The following CAB39 variants were observed in gnomAD, a reference collection of about 807,000 sequenced individuals.
The protein encoded by CAB39 is calcium binding protein 39, also known as calcium-binding protein 39.
Under a neutral mutation model 40.0 loss-of-function variants are expected in CAB39, and 8 were observed. The observed-to-expected ratio is 0.20, with a 90% CI of 0.12 to 0.36. CAB39 has a LOEUF of 0.36. CAB39 is among the 10% of genes least tolerant of loss of function. The pLI, the probability that CAB39 is intolerant of heterozygous loss-of-function variation, is 1.00. For missense variants in CAB39, 270 were observed against 401.1 expected (o/e 0.67, Z 2.79); for synonymous variants, 156 against 141.6 (o/e 1.10, Z -0.72).
chr2:230,815,175 A>G (rs537636844), intron 7 of CAB39, among the ~76,000 whole-genome samples: 1 of 152,380 alleles, frequency 6.6e-6, no homozygotes, highest in African/African-American at 2.4e-5. Context: ...TCAGAACAGC[A>G]TATGCCTTTT....
chr2:230,724,265 T>A (rs938306143), intron 1 of CAB39, among the ~76,000 whole-genome samples: 7 of 149,740 alleles, frequency 4.7e-5, no homozygotes, highest in Admixed American at 1.3e-4. Flanking sequence ...AAAAAGAAGA[T>A]AGCATAAAGG....
chr2:230,767,876 A>G (rs1435038532), intron 2 of CAB39, among the ~76,000 whole-genome samples: 2 of 152,020 alleles, frequency 1.3e-5, no homozygotes, highest in Non-Finnish European at 2.9e-5. Context: ...CTAGTGCTCT[A>G]TTTGGCTTAC....
chr2:230,716,857 G>A lies in CAB39; in HGVS notation c.-44+3627G>A, dbSNP rs185714936. On this transcript the variant is annotated intron_variant, in intron 1 of 8. Coordinates refer to ENST00000258418, the MANE Select transcript of CAB39 (RefSeq NM_016289.4). Reference sequence around the variant, plus strand: ...TATCCACAAAAATAAAAAATTAGCCGGGCATGGTGGTGTGTGTGCCTGTTG... The same window carrying A: ...TATCCACAAAAATAAAAAATTAGCCAGGCATGGTGGTGTGTGTGCCTGTTG... Among the ~76,000 whole-genome samples, 32 of 152,242 alleles carry A rather than the reference G, an allele frequency of 2.1e-4. No homozygotes were observed. The East Asian group carries it at 5.0e-3, about 24-fold the overall frequency.
chr2:230,791,744 G>A (rs1695896275), intron 3 of CAB39, among the ~76,000 whole-genome samples: 1 of 152,164 alleles, frequency 6.6e-6, no homozygotes, highest in East Asian at 1.9e-4. Context: ...GCCCAGCCCT[G>A]GTAGGCATTT....
intron 1 of CAB39, among the ~76,000 whole-genome samples, chr2:230,730,103 A>G (rs938352148): frequency 5.3e-5 from 8 of 152,190 alleles, no homozygotes; most frequent in African/African-American, 1.7e-4. Context: ...AGGATTATTT[A>G]GAAAAAAATT....
intron 2 of CAB39, among the ~76,000 whole-genome samples, chr2:230,790,351 G>T (rs768836712): frequency 3.3e-5 from 5 of 152,130 alleles, no homozygotes; most frequent in African/African-American, 4.8e-5. Flanking sequence ...AAGCTCTTTA[G>T]TGACTTTATA....
At chr2:230,737,773 C>T (rs1427309931) in intron 1 of CAB39, among the ~76,000 whole-genome samples, 1 of 152,066 alleles carries the variant, frequency 6.6e-6, no homozygotes, top group Admixed American at 6.5e-5. Context: ...TTTATGTTCC[C>T]TTGGATATAA....
chr2:230,768,681 G>C (rs938254121), intron 2 of CAB39, among the ~76,000 whole-genome samples: 1 of 152,166 alleles, frequency 6.6e-6, no homozygotes, highest in Non-Finnish European at 1.5e-5. Flanking sequence ...ATTAGGTGGA[G>C]GTGGTGGGTC....
At chr2:230,817,980 T>C in intron 8 of CAB39, 83 bp downstream of exon 8, 1 of 1,235,434 alleles carries the variant, frequency 8.1e-7, no homozygotes, top group Admixed American at 2.3e-5. Context: ...ATTATTAGCC[T>C]CACTCTGGTA....
intron 2 of CAB39, among the ~76,000 whole-genome samples, chr2:230,774,414 T>C (rs1374942103): frequency 6.6e-6 from 1 of 152,188 alleles, no homozygotes; most frequent in Admixed American, 6.5e-5. Flanking sequence ...CAAAACTAAT[T>C]TTCTTACATT....
chr2:230,747,683 G>A (rs1694999868), intron 1 of CAB39, among the ~76,000 whole-genome samples: 1 of 152,236 alleles, frequency 6.6e-6, no homozygotes, highest in Admixed American at 6.5e-5. Flanking sequence ...ACCTTCCAGT[G>A]ATTTGAGACA....
chr2:230,813,470 A>C (rs2244954), intron 6 of CAB39, among the ~76,000 whole-genome samples: 108,616 of 151,932 alleles, frequency 0.71, 39,947 homozygotes, highest in African/African-American at 0.9. Context: ...CTCCCATCCG[A>C]CAGGTCTGAG....
chr2:230,768,531 C>T (rs1175410020), intron 2 of CAB39, among the ~76,000 whole-genome samples: 1 of 152,072 alleles, frequency 6.6e-6, no homozygotes, highest in Non-Finnish European at 1.5e-5. Context: ...GGACAGTTCT[C>T]AAGTCTAAGC....
At chr2:230,788,324 A>G (rs1016609075) in intron 2 of CAB39, among the ~76,000 whole-genome samples, 5 of 151,522 alleles carry the variant, frequency 3.3e-5, no homozygotes, top group Admixed American at 1.3e-4. Context: ...TTCAGGAAAT[A>G]TACTACTTCA....
intron 1 of CAB39, among the ~76,000 whole-genome samples, chr2:230,733,429 C>G (rs991025976): frequency 1.3e-5 from 2 of 152,174 alleles, no homozygotes; most frequent in Admixed American, 6.5e-5. Context: ...GCATTCCTTC[C>G]TTGAAACTAA....
At position 230,713,008 on chromosome 2, in the gene CAB39, CAGCGCGGCGGCAGCCGCGGG is replaced by C. The variant is rs1694274355; in HGVS notation, c.-262_-243del. The C allele has an allele frequency of 6.6e-6, 1 of 150,742 alleles. No homozygotes were observed. Among genetic ancestry groups the C allele is most frequent in the Non-Finnish European group, 1.5e-5 (1 of 67,502 alleles). 9.3% of individuals were successfully genotyped at this position (150,742 alleles called of 1,614,324 possible). ...GCAGCCGCAGCCCAAGCGAGCGCAG[CAGCGCGGCGGCAGCCGCGGG>C]AGCCCCTGGGCAGCCGTCCGCCCGC... On this transcript the variant is annotated 5_prime_UTR_variant, in exon 1 of 9. Coordinates refer to ENST00000258418, the MANE Select transcript of CAB39 (RefSeq NM_016289.4).
intron 2 of CAB39, among the ~76,000 whole-genome samples, chr2:230,769,883 A>G (rs962703210): frequency 2.0e-5 from 3 of 151,644 alleles, no homozygotes; most frequent in Non-Finnish European, 4.4e-5. Context: ...GCTTGAGCCC[A>G]GGGGTGGAGG....
At position 230,714,495 on chromosome 2, in the gene CAB39, G is replaced by A. The variant is rs62193600; in HGVS notation, c.-44+1265G>A. ...AGGTGTCTATAAAATAAGCTCATCT[G>A]CACACAGAAGGTGTTTCTATTTGTG... On this transcript the variant is annotated intron_variant, in intron 1 of 8. Coordinates refer to ENST00000258418, the MANE Select transcript of CAB39 (RefSeq NM_016289.4). Among the ~76,000 whole-genome samples, 450 of 152,328 alleles carry A rather than the reference G, an allele frequency of 3.0e-3. 2 individuals are homozygous for A. Among genetic ancestry groups the A allele is most frequent in the Non-Finnish European group, 4.9e-3 (336 of 68,032 alleles).
intron 1 of CAB39, among the ~76,000 whole-genome samples, chr2:230,748,860 ATATATAT>A (rs1441750759): frequency 1.9e-4 from 24 of 127,572 alleles, no homozygotes; most frequent in African/African-American, 2.5e-4. Context: ...ATATATATAT[ATATATAT>A]AACAAAATGG....
Sources: gnomAD v4.1 joint callset for allele counts (sites outside exome capture counted in the v4.1 genomes callset) on GRCh38, gnomAD v4.1.1 for gene constraint, MANE v1.5 for transcripts, NCBI Gene and HGNC (gene_info 2026-07-23, HGNC 2026-07-21) for gene names.